The following NBAS variants were observed in gnomAD, a reference collection of about 807,000 sequenced individuals.
The protein encoded by NBAS is NAG/BC035112 fusion.
Under a neutral mutation model 302.5 loss-of-function variants are expected in NBAS, and 219 were observed. The observed-to-expected ratio is 0.72, with a 90% CI of 0.65 to 0.81. The LOEUF (loss-of-function observed/expected upper bound fraction) is 0.81. NBAS is among the 30% of genes least tolerant of loss of function. The pLI is 0.00. For missense variants in NBAS, 2,932 were observed against 2,841.6 expected, an observed-to-expected ratio of 1.03 and a Z score of -0.72; for synonymous variants, 1,118 against 1,021.6, an observed-to-expected ratio of 1.09 and a Z score of -1.80.
intron 44 of NBAS, among the ~76,000 whole-genome samples, chr2:15,239,587 T>C (rs1572506543): frequency 6.6e-6 from 1 of 151,792 alleles, no homozygotes; most frequent in East Asian, 1.9e-4. Context: ...ACTAAAAAAG[T>C]TTCAGATATT....
At chr2:15,546,448 G>A (rs558412230) in intron 6 of NBAS, among the ~76,000 whole-genome samples, 3 of 152,188 alleles carry the variant, frequency 2.0e-5, no homozygotes, top group East Asian at 3.9e-4. Context: ...GGGTGTTTCA[G>A]TCGGGCATGG....
At chr2:15,324,938 AG>A (rs1671995269) in intron 38 of NBAS, among the ~76,000 whole-genome samples, 1 of 152,184 alleles carries the variant, frequency 6.6e-6, no homozygotes, top group African/African-American at 2.4e-5. Context: ...CTATGAAAAC[AG>A]GAGGCCGACT....
At chr2:15,031,226 C>A in the NBAS span, among the ~76,000 whole-genome samples, 1 of 152,104 alleles carries the variant, frequency 6.6e-6, no homozygotes, top group African/African-American at 2.4e-5. Context: ...TATCAGCAAC[C>A]AACAATCTCA....
intron 21 of NBAS, among the ~76,000 whole-genome samples, chr2:15,460,815 G>A (rs985937799): frequency 6.6e-6 from 1 of 152,204 alleles, no homozygotes; most frequent in African/African-American, 2.4e-5. Context: ...GCTGAGCAAA[G>A]GAGGATGCAG....
chr2:15,085,163 G>C, the NBAS span, among the ~76,000 whole-genome samples: 1 of 152,146 alleles, frequency 6.6e-6, no homozygotes, highest in Non-Finnish European at 1.5e-5. Flanking sequence ...CCGGGGTGGT[G>C]CCACACTTGC....
chr2:14,859,894 A>T, the NBAS span, among the ~76,000 whole-genome samples: 1 of 152,268 alleles, frequency 6.6e-6, no homozygotes, highest in African/African-American at 2.4e-5. Context: ...CTAAAGACAT[A>T]ACCCACAGAA....
At chr2:14,814,619 G>A in the NBAS span, among the ~76,000 whole-genome samples, 13 of 152,294 alleles carry the variant, frequency 8.5e-5, no homozygotes, top group South Asian at 4.1e-4. Context: ...TAACTAACTT[G>A]TTTTTTATTA....
chr2:14,809,329 G>A, the NBAS span, among the ~76,000 whole-genome samples: 4 of 152,272 alleles, frequency 2.6e-5, no homozygotes, highest in Admixed American at 1.3e-4. Flanking sequence ...GGAAAAAATG[G>A]GTCTGTGGGT....
At chr2:15,537,569 G>A (rs1663577965) in intron 7 of NBAS, among the ~76,000 whole-genome samples, 1 of 152,146 alleles carries the variant, frequency 6.6e-6, no homozygotes, top group African/African-American at 2.4e-5. Flanking sequence ...CTTGAAGTCA[G>A]GAGTCCAAGA....
the NBAS span, among the ~76,000 whole-genome samples, chr2:15,075,569 T>C: frequency 2.5e-4 from 38 of 152,338 alleles, no homozygotes; most frequent in African/African-American, 9.1e-4. Flanking sequence ...CCTTCAGACT[T>C]AGGGCTACAC....
the NBAS span, among the ~76,000 whole-genome samples, chr2:14,827,041 G>T: frequency 6.6e-6 from 1 of 152,198 alleles, no homozygotes; most frequent in African/African-American, 2.4e-5. Context: ...ATTAAGAAAG[G>T]TTAATGAGAA....
intron 35 of NBAS, among the ~76,000 whole-genome samples, chr2:15,347,205 T>A (rs1324233285): frequency 6.6e-6 from 1 of 152,206 alleles, no homozygotes; most frequent in Non-Finnish European, 1.5e-5. Context: ...ATATTCCTTG[T>A]GGAAATGTAA....
chr2:15,221,791 T>A (rs1666960021), intron 47 of NBAS, among the ~76,000 whole-genome samples: 2 of 152,246 alleles, frequency 1.3e-5, no homozygotes, highest in South Asian at 4.1e-4. Flanking sequence ...AGCACAGATG[T>A]GTGGGTGGTA....
chr2:14,925,553 T>C, the NBAS span, among the ~76,000 whole-genome samples: 1 of 152,196 alleles, frequency 6.6e-6, no homozygotes, highest in Non-Finnish European at 1.5e-5. Context: ...CTCTGTGAAA[T>C]GCAAAACCAT....
chr2:15,394,210 T>C lies in NBAS; in HGVS notation c.3257+17A>G, dbSNP rs757913195. The stretch of plus-strand genomic sequence containing the variant: ...TAAAATTAATTGACCCAAGTATCAA[T>C]TAATTTTATTACTCACTTCCGGCCA... On this transcript the variant is annotated intron_variant, in intron 28 of 51. Transcript: ENST00000281513. 23 of 1,574,130 alleles carry C rather than the reference T, an allele frequency of 1.5e-5. No homozygotes were observed. The South Asian group carries it at 2.4e-4, about 17-fold the overall frequency.
intron 44 of NBAS, among the ~76,000 whole-genome samples, chr2:15,259,278 A>G (rs1314495667): frequency 6.6e-6 from 1 of 152,214 alleles, no homozygotes; most frequent in Admixed American, 6.5e-5. Flanking sequence ...AAATTATACG[A>G]AAGTGAAAAC....
At position 15,505,273 on chromosome 2, in the gene NBAS, C is replaced by T. The variant is rs370493144; in HGVS notation, c.886-1060G>A. ...GGGAGCTAGCAAAAATGGCTAAGGT[C>T]CATCTAAAACCAAAACTACCACCAA... On this transcript the variant is annotated intron_variant, in intron 10 of 51. Coordinates refer to ENST00000281513, the MANE Select transcript of NBAS (RefSeq NM_015909.4). 1.4e-4 allele frequency among the ~76,000 whole-genome samples: 22 copies of T among 152,182 alleles called. 1 individual carries two copies. The highest frequency in any genetic ancestry group is 1.4e-3 in the East Asian group (7 of 5,162).
At chr2:14,904,017 C>G in the NBAS span, among the ~76,000 whole-genome samples, 6 of 152,318 alleles carry the variant, frequency 3.9e-5, no homozygotes, top group East Asian at 1.9e-4. Context: ...GCGAGGCGCT[C>G]CCTTCTGGAC....
At chr2:14,795,236 T>G in the NBAS span, among the ~76,000 whole-genome samples, 1 of 152,220 alleles carries the variant, frequency 6.6e-6, no homozygotes, top group Non-Finnish European at 1.5e-5. Flanking sequence ...GTAAGATAGT[T>G]ACAGTTGTTC....
Sources: allele counts gnomAD v4.1 joint callset (sites outside exome capture counted in the v4.1 genomes callset), GRCh38; gene constraint gnomAD v4.1.1; transcripts MANE v1.5; gene names NCBI Gene and HGNC (gene_info 2026-07-23, HGNC 2026-07-21).